Variants in JAM3 observed in about 807,000 individuals in gnomAD.
JAM3 encodes junctional adhesion molecule C.
A neutral mutation model predicts 39.4 loss-of-function variants in JAM3; 31 were observed. That is an observed-to-expected ratio of 0.79 (90% CI 0.59 to 1.06). The LOEUF is 1.06. Among genes scored for constraint, JAM3 ranks in the 50% least tolerant of loss-of-function variants. The pLI is 0.00. For synonymous variants in JAM3, 182 were observed against 148.7 expected (o/e 1.22, Z -1.63); for missense variants, 455 against 391.4 (o/e 1.16, Z -1.37).
At chr11:134,131,747 T>G (rs1357241018) in intron 1 of JAM3, among the ~76,000 whole-genome samples, 1 of 152,054 alleles carries the variant, frequency 6.6e-6, no homozygotes, top group Non-Finnish European at 1.5e-5. Flanking sequence ...AATAAAGACA[T>G]AGAAATTACA....
Position 134,145,488 on chromosome 11 carries a change from G to A in JAM3, c.613-458G>A, listed in dbSNP as rs143213514. Reference sequence around the variant, plus strand: ...GGGAGGTGGGGGAGGAGAGGAAACAGATTGGTCATGCACTAGAGGACAAAG... The same window carrying A: ...GGGAGGTGGGGGAGGAGAGGAAACAAATTGGTCATGCACTAGAGGACAAAG... On this transcript the variant is annotated intron_variant, in intron 5 of 8. Coordinates refer to ENST00000299106, the MANE Select transcript of JAM3 (RefSeq NM_032801.5). 4.0e-4 allele frequency: 130 copies of A among 324,168 alleles called. 1 individual carries two copies. In the East Asian group the frequency reaches 9.4e-3, roughly 23 times the overall value. 20.1% of individuals were successfully genotyped at this position (324,168 alleles called of 1,614,324 possible). A position where few individuals can be genotyped will look rare whatever the true frequency, so the allele number is the denominator to read the frequency against.
In JAM3 at chr11:134,148,821, A is replaced by G. The variant is rs1266268592; in HGVS notation, c.897+3A>G. 13 of 1,613,890 alleles carry G rather than the reference A, an allele frequency of 8.1e-6. No homozygotes were observed. In the East Asian group the frequency reaches 2.9e-4, roughly 36 times the overall value. ...ACTACATCCGCACTGACGAGGAGGT[A>G]ATCATTTAGTAAACCTGGAAACCTA... On this transcript the variant is annotated splice_donor_region_variant and intron_variant, in intron 8 of 8. Coordinates refer to ENST00000299106, the MANE Select transcript of JAM3 (RefSeq NM_032801.5).
chr11:134,123,225 G>A (rs201026672), intron 1 of JAM3, among the ~76,000 whole-genome samples: 1 of 142,054 alleles, frequency 7.0e-6, no homozygotes, highest in South Asian at 2.1e-4. Flanking sequence ...TTATTTGTTT[G>A]TTTATTTATT....
intron 1 of JAM3, among the ~76,000 whole-genome samples, chr11:134,089,205 T>G (rs1434850552): frequency 6.6e-6 from 1 of 152,206 alleles, no homozygotes; most frequent in Non-Finnish European, 1.5e-5. Context: ...AGTTCGTGGT[T>G]TTTAATAAAG....
At chr11:134,088,299 G>A (rs1941778028) in intron 1 of JAM3, among the ~76,000 whole-genome samples, 1 of 152,062 alleles carries the variant, frequency 6.6e-6, no homozygotes, top group Non-Finnish European at 1.5e-5. Flanking sequence ...TTACCCACTT[G>A]CTTCCATTTT....
At chr11:134,139,143 G>A (rs960424476) in intron 1 of JAM3, among the ~76,000 whole-genome samples, 4 of 152,160 alleles carry the variant, frequency 2.6e-5, no homozygotes, top group Non-Finnish European at 5.9e-5. Context: ...TGAGACCATG[G>A]TAAACAGGTT....
At chr11:134,093,907 C>A (rs866610392) in intron 1 of JAM3, among the ~76,000 whole-genome samples, 21 of 80,158 alleles carry the variant, frequency 2.6e-4, no homozygotes, top group African/African-American at 4.0e-4. Context: ...TTCCACCTTA[C>A]ATGTCACTTC....
chr11:134,147,709 A>C (rs2036895896), intron 6 of JAM3: 1 of 69,160 alleles, frequency 1.4e-5, no homozygotes, highest in South Asian at 4.4e-4. Context: ...GATGGTCTCG[A>C]ATCTCTGACC....
At chr11:134,132,100 C>CT (rs1438651684) in intron 1 of JAM3, among the ~76,000 whole-genome samples, 1 of 152,104 alleles carries the variant, frequency 6.6e-6, no homozygotes, top group African/African-American at 2.4e-5. Flanking sequence ...TCACTAGACT[C>CT]TAAGTAGAAT....
At chr11:134,075,336 G>A (rs1295027356) in intron 1 of JAM3, among the ~76,000 whole-genome samples, 1 of 152,180 alleles carries the variant, frequency 6.6e-6, no homozygotes, top group Non-Finnish European at 1.5e-5. Flanking sequence ...GGGAGGGACA[G>A]CGGTGTGGAT....
chr11:134,069,920 C>T (rs1351520001), intron 1 of JAM3, among the ~76,000 whole-genome samples: 1 of 152,166 alleles, frequency 6.6e-6, no homozygotes, highest in Non-Finnish European at 1.5e-5. Flanking sequence ...GAGGAGACCA[C>T]GCAGACTCTT....
At chr11:134,139,306 G>A (rs554077369) in intron 1 of JAM3, among the ~76,000 whole-genome samples, 2 of 152,228 alleles carry the variant, frequency 1.3e-5, no homozygotes, top group African/African-American at 4.8e-5. Flanking sequence ...ACAAAGACCG[G>A]TGAAAACTTC....
chr11:134,127,875 G>A (rs1371744380), intron 1 of JAM3, among the ~76,000 whole-genome samples: 2 of 152,086 alleles, frequency 1.3e-5, no homozygotes, highest in Non-Finnish European at 2.9e-5. Flanking sequence ...GTATTCAGGG[G>A]ACCTCTCCAT....
intron 2 of JAM3, among the ~76,000 whole-genome samples, chr11:134,140,220 C>G (rs1436519752): frequency 6.6e-6 from 1 of 152,172 alleles, no homozygotes; most frequent in Non-Finnish European, 1.5e-5. Flanking sequence ...GTGGCGCAAT[C>G]TTGGCTCACT....
At chr11:134,094,473 C>T (rs1164165423) in intron 1 of JAM3, among the ~76,000 whole-genome samples, 1 of 140,274 alleles carries the variant, frequency 7.1e-6, no homozygotes, top group African/African-American at 2.8e-5. Context: ...TTCCACCTTA[C>T]ATGTGACTTC....
intron 1 of JAM3, among the ~76,000 whole-genome samples, chr11:134,130,420 G>T (rs1265185165): frequency 6.6e-6 from 1 of 151,932 alleles, no homozygotes; most frequent in African/African-American, 2.4e-5. Flanking sequence ...TTGGGAATCA[G>T]ATACAAAGAT....
intron 1 of JAM3, among the ~76,000 whole-genome samples, chr11:134,088,787 A>G (rs1941791498): frequency 6.6e-6 from 1 of 152,064 alleles, no homozygotes; most frequent in Non-Finnish European, 1.5e-5. Flanking sequence ...TATATATCAC[A>G]TCTGTGTTTG....
At chr11:134,102,071 T>C (rs1197431783) in intron 1 of JAM3, among the ~76,000 whole-genome samples, 2 of 152,146 alleles carry the variant, frequency 1.3e-5, no homozygotes, top group Non-Finnish European at 2.9e-5. Flanking sequence ...TATAGTAACC[T>C]ATTTAATTAT....
At chr11:134,079,687 C>G (rs1047175551) in intron 1 of JAM3, among the ~76,000 whole-genome samples, 22 of 152,198 alleles carry the variant, frequency 1.4e-4, no homozygotes, top group African/African-American at 5.1e-4. Context: ...CACACTACCA[C>G]CAAAACATCC....
Sources: allele counts gnomAD v4.1 joint callset (sites outside exome capture counted in the v4.1 genomes callset), GRCh38; gene constraint gnomAD v4.1.1; transcripts MANE v1.5; gene names NCBI Gene and HGNC (gene_info 2026-07-23, HGNC 2026-07-21).